QTMAN: variants seen among roughly 807,000 people sequenced by gnomAD.
QTMAN encodes the protein queuosine-tRNA mannosyltransferase.
chr2:144,182,703 C>T, the QTMAN span, among the ~76,000 whole-genome samples: 4 of 134,408 alleles, frequency 3.0e-5, no homozygotes, highest in African/African-American at 8.1e-5. Flanking sequence ...GCCTGATAGG[C>T]ACTGATTAGT....
chr2:144,024,438 A>T, the QTMAN span, among the ~76,000 whole-genome samples: 1 of 152,172 alleles, frequency 6.6e-6, no homozygotes, highest in Non-Finnish European at 1.5e-5. Context: ...GCTTCTGTAT[A>T]CTGCTGTGTG....
chr2:144,098,355 C>T, the QTMAN span, among the ~76,000 whole-genome samples: 99 of 152,264 alleles, frequency 6.5e-4, 2 homozygotes, highest in Non-Finnish European at 2.5e-4. Flanking sequence ...CATAGAAGGA[C>T]GCTGATTCTA....
At chr2:144,004,443 A>G in the QTMAN span, among the ~76,000 whole-genome samples, 31 of 152,164 alleles carry the variant, frequency 2.0e-4, no homozygotes, top group Non-Finnish European at 1.2e-4. Flanking sequence ...ATTCATATTC[A>G]CCAATTAAAA....
At chr2:144,131,288 C>A in the QTMAN span, among the ~76,000 whole-genome samples, 1 of 151,784 alleles carries the variant, frequency 6.6e-6, no homozygotes. Flanking sequence ...AGATCTTCCC[C>A]CAGTCACTAT....
the QTMAN span, among the ~76,000 whole-genome samples, chr2:144,207,183 A>G: frequency 6.6e-6 from 1 of 152,214 alleles, no homozygotes; most frequent in Non-Finnish European, 1.5e-5. Context: ...AAAGAAGGAT[A>G]CACTTTAAAT....
At chr2:144,053,017 A>C in the QTMAN span, among the ~76,000 whole-genome samples, 1 of 152,218 alleles carries the variant, frequency 6.6e-6, no homozygotes, top group Admixed American at 6.5e-5. Context: ...GATACTCCAC[A>C]TACATATCGA....
At chr2:144,109,836 G>A in the QTMAN span, among the ~76,000 whole-genome samples, 3 of 152,106 alleles carry the variant, frequency 2.0e-5, no homozygotes, top group South Asian at 2.1e-4. Flanking sequence ...CAAAACCACA[G>A]TGAGATACCA....
At chr2:144,199,170 C>G in the QTMAN span, among the ~76,000 whole-genome samples, 1 of 152,046 alleles carries the variant, frequency 6.6e-6, no homozygotes, top group South Asian at 2.1e-4. Flanking sequence ...ATCTCAGCCT[C>G]CTCAGTAGCT....
the QTMAN span, among the ~76,000 whole-genome samples, chr2:144,133,136 T>TA: frequency 8.6e-5 from 3 of 34,870 alleles, no homozygotes; most frequent in African/African-American, 3.2e-4. Flanking sequence ...TATATATATA[T>TA]ATATATATAT....
chr2:144,269,204 C>T, the QTMAN span, among the ~76,000 whole-genome samples: 15 of 152,056 alleles, frequency 9.9e-5, no homozygotes, highest in Non-Finnish European at 2.2e-4. Flanking sequence ...AAGTATTCAC[C>T]GTTACTTTTA....
chr2:144,072,513 T>A, the QTMAN span, among the ~76,000 whole-genome samples: 1 of 152,208 alleles, frequency 6.6e-6, no homozygotes, highest in Non-Finnish European at 1.5e-5. Flanking sequence ...TAACTTGACT[T>A]GTCCAAGGTC....
chr2:144,153,100 G>A, the QTMAN span, among the ~76,000 whole-genome samples: 16 of 152,242 alleles, frequency 1.1e-4, no homozygotes, highest in Admixed American at 6.5e-5. Context: ...AGCAGTTAGC[G>A]TTTGGAAAAA....
At chr2:143,996,236 G>C in the QTMAN span, among the ~76,000 whole-genome samples, 5 of 152,134 alleles carry the variant, frequency 3.3e-5, no homozygotes, top group Non-Finnish European at 4.4e-5. Context: ...TGCATTCTAT[G>C]TCTGTCCAGC....
chr2:144,159,842 T>A, the QTMAN span, among the ~76,000 whole-genome samples: 81 of 152,152 alleles, frequency 5.3e-4, no homozygotes, highest in African/African-American at 1.9e-3. Context: ...AAGCTGCAAA[T>A]GCAGATTAAG....
the QTMAN span, among the ~76,000 whole-genome samples, chr2:144,304,931 AC>A: frequency 6.6e-6 from 1 of 152,194 alleles, no homozygotes; most frequent in African/African-American, 2.4e-5. Context: ...CTATTCAGAT[AC>A]TTTTCATATT....
At chr2:144,011,061 C>T in the QTMAN span, among the ~76,000 whole-genome samples, 12 of 152,190 alleles carry the variant, frequency 7.9e-5, no homozygotes, top group South Asian at 4.1e-4. Context: ...TTACAAGCTA[C>T]GGTTTCCTTG....
chr2:143,967,235 CATA>C, the QTMAN span, among the ~76,000 whole-genome samples: 1 of 151,994 alleles, frequency 6.6e-6, no homozygotes, highest in African/African-American at 2.4e-5. Context: ...TTATTAATAG[CATA>C]ATAATAATTG....
At chr2:143,991,734 T>TG in the QTMAN span, among the ~76,000 whole-genome samples, 193 of 75,970 alleles carry the variant, frequency 2.5e-3, 5 homozygotes, top group African/African-American at 8.4e-3. Flanking sequence ...GGGAGGGAGG[T>TG]GGGGGGGTCA....
chr2:143,958,584 C>A, the QTMAN span, among the ~76,000 whole-genome samples: 3 of 151,998 alleles, frequency 2.0e-5, no homozygotes, highest in East Asian at 5.8e-4. Context: ...AATGTAATTA[C>A]CAGATAAATT....
Sources: gnomAD v4.1 joint callset for allele counts (sites outside exome capture counted in the v4.1 genomes callset) on GRCh38, gnomAD v4.1.1 for gene constraint, MANE v1.5 for transcripts, NCBI Gene and HGNC (gene_info 2026-07-23, HGNC 2026-07-21) for gene names.